Variants in FBXW11 observed in about 807,000 individuals in gnomAD.
The protein encoded by FBXW11 is F-box/WD repeat-containing protein 11.
A neutral mutation model predicts 77.6 loss-of-function variants in FBXW11; 19 were observed. The ratio of observed to expected loss-of-function variants is 0.24; its 90% CI spans 0.17 to 0.36. The LOEUF is 0.36. Among genes scored for constraint, FBXW11 ranks in the 10% least tolerant of loss-of-function variants. The probability of loss-of-function intolerance (pLI) is 1.00; values close to 1 mark genes in which losing one functional copy is unlikely to be tolerated. For synonymous variants in FBXW11, 235 were observed against 249.4 expected, an observed-to-expected ratio of 0.94 and a Z score of 0.54; for missense variants, 334 against 704.2, an observed-to-expected ratio of 0.47 and a Z score of 5.95.
chr5:171,943,154 C>A (rs1337086799), intron 2 of FBXW11, among the ~76,000 whole-genome samples: 1 of 152,144 alleles, frequency 6.6e-6, no homozygotes, highest in Non-Finnish European at 1.5e-5. Flanking sequence ...AAGAGAGGAA[C>A]CTTCTTTATA....
At chr5:171,922,843 A>C (rs980844603) in intron 2 of FBXW11, among the ~76,000 whole-genome samples, 4 of 152,190 alleles carry the variant, frequency 2.6e-5, no homozygotes, top group African/African-American at 4.8e-5. Context: ...TACCAAAAAT[A>C]CCTTAAAGAA....
intron 1 of FBXW11, among the ~76,000 whole-genome samples, chr5:171,979,865 T>C (rs1221928099): frequency 1.3e-5 from 2 of 152,212 alleles, no homozygotes; most frequent in Non-Finnish European, 2.9e-5. Flanking sequence ...TAACCTGACA[T>C]GTCCACCCTA....
At chr5:171,932,470 TA>T (rs1762260071) in intron 2 of FBXW11, among the ~76,000 whole-genome samples, 2 of 152,186 alleles carry the variant, frequency 1.3e-5, no homozygotes, top group Non-Finnish European at 2.9e-5. Context: ...AAGGCCACTT[TA>T]TTTTTTTTAA....
rs537273791 is a variant in FBXW11, at chr5:171,887,745, C to T, written c.852+3722G>A. Among the ~76,000 whole-genome samples, 9 of 152,046 alleles carry T rather than the reference C, an allele frequency of 5.9e-5. No individual in the cohort carries two copies. In the East Asian group the frequency reaches 1.7e-3, roughly 29 times the overall value. The stretch of plus-strand genomic sequence containing the variant: ...TGATCCTGGCTCACTGCAACCTCTG[C>T]CTCCTGGGTTCAAGCAATTCTCATG... On this transcript the variant is annotated intron_variant, in intron 7 of 13. Coordinates refer to ENST00000517395, the MANE Select transcript of FBXW11 (RefSeq NM_001378974.1).
chr5:171,884,278 C>T (rs1436526795), intron 7 of FBXW11, among the ~76,000 whole-genome samples: 1 of 152,200 alleles, frequency 6.6e-6, no homozygotes, highest in Non-Finnish European at 1.5e-5. Context: ...TATCCCAGTA[C>T]TAGTTGTTGA....
intron 2 of FBXW11, among the ~76,000 whole-genome samples, chr5:171,940,158 T>C (rs1762675747): frequency 6.6e-6 from 1 of 152,030 alleles, no homozygotes; most frequent in Non-Finnish European, 1.5e-5. Context: ...CATTCTGGGG[T>C]TGAGCAAGTG....
intron 1 of FBXW11, among the ~76,000 whole-genome samples, chr5:171,980,800 T>C (rs1022797687): frequency 2.6e-5 from 4 of 152,206 alleles, no homozygotes; most frequent in African/African-American, 9.6e-5. Context: ...TCTTGTGACA[T>C]AAGAAACATA....
At chr5:171,873,494 T>C (rs1211621447) in intron 9 of FBXW11, among the ~76,000 whole-genome samples, 1 of 152,056 alleles carries the variant, frequency 6.6e-6, no homozygotes, top group Non-Finnish European at 1.5e-5. Context: ...AAAATAAAAT[T>C]AGCTGGGCAT....
chr5:171,967,456 C>T (rs908180236), intron 1 of FBXW11, among the ~76,000 whole-genome samples: 1 of 152,104 alleles, frequency 6.6e-6, no homozygotes, highest in South Asian at 2.1e-4. Context: ...AAGAAAGTTA[C>T]AATACACGGA....
chr5:171,937,495 T>C (rs561974795), intron 2 of FBXW11, among the ~76,000 whole-genome samples: 2 of 152,264 alleles, frequency 1.3e-5, no homozygotes, highest in South Asian at 2.1e-4. Context: ...ACAGATGATA[T>C]GTAAGTGAAT....
intron 3 of FBXW11, among the ~76,000 whole-genome samples, chr5:171,913,818 TACACACACACACACACAC>T (rs1161644281): frequency 1.8e-3 from 120 of 65,378 alleles, no homozygotes; most frequent in African/African-American, 5.3e-3. Context: ...CACACACACA[TACACACACACACACACAC>T]ACACACACAC....
intron 2 of FBXW11, among the ~76,000 whole-genome samples, chr5:171,917,548 G>C (rs966876022): frequency 3.3e-5 from 5 of 152,066 alleles, no homozygotes; most frequent in Non-Finnish European, 1.5e-5. Flanking sequence ...AAACCATGGG[G>C]GCTGCAATAG....
chr5:171,870,410 CA>C (rs968413061), intron 11 of FBXW11, among the ~76,000 whole-genome samples: 2 of 150,368 alleles, frequency 1.3e-5, no homozygotes, highest in African/African-American at 5.0e-5. Flanking sequence ...CACACACACA[CA>C]CAAAGAGCCT....
chr5:171,924,200 G>A (rs1043072320), intron 2 of FBXW11, among the ~76,000 whole-genome samples: 1 of 151,908 alleles, frequency 6.6e-6, no homozygotes, highest in Non-Finnish European at 1.5e-5. Context: ...GGGATTACAG[G>A]AATGAGCCAC....
intron 1 of FBXW11, among the ~76,000 whole-genome samples, chr5:171,985,352 A>T (rs931532541): frequency 7.2e-5 from 11 of 152,038 alleles, no homozygotes; most frequent in Admixed American, 5.9e-4. Context: ...AAAAACTTAC[A>T]TGTGGCTCAC....
intron 7 of FBXW11, among the ~76,000 whole-genome samples, chr5:171,880,679 G>T (rs777561601): frequency 6.6e-6 from 1 of 152,154 alleles, no homozygotes; most frequent in Non-Finnish European, 1.5e-5. Flanking sequence ...TTTCATTGGT[G>T]GGGGAGGTGC....
At chr5:172,004,468 T>C (rs1005425983) in intron 1 of FBXW11, among the ~76,000 whole-genome samples, 2 of 152,246 alleles carry the variant, frequency 1.3e-5, no homozygotes, top group Non-Finnish European at 2.9e-5. Flanking sequence ...TTTTAAGTTA[T>C]AAGCATAGGA....
At chr5:171,996,092 A>T (rs1204380882) in intron 1 of FBXW11, among the ~76,000 whole-genome samples, 1 of 152,220 alleles carries the variant, frequency 6.6e-6, no homozygotes, top group Non-Finnish European at 1.5e-5. Context: ...AGTGCATACA[A>T]GGGTAACTGG....
intron 2 of FBXW11, among the ~76,000 whole-genome samples, chr5:171,919,805 A>T (rs1761474380): frequency 6.6e-6 from 1 of 152,150 alleles, no homozygotes; most frequent in Admixed American, 6.5e-5. Flanking sequence ...TATTATAGCT[A>T]TTTGCAGCAC....
Sources: gnomAD v4.1 joint callset for allele counts (sites outside exome capture counted in the v4.1 genomes callset) on GRCh38, gnomAD v4.1.1 for gene constraint, MANE v1.5 for transcripts, NCBI Gene and HGNC (gene_info 2026-07-23, HGNC 2026-07-21) for gene names.